RAD54L2: variants seen among roughly 807,000 people sequenced by gnomAD.
RAD54L2 encodes RAD54 like 2, also known as helicase ARIP4.
RAD54L2 carries 27 observed loss-of-function variants against 138.4 expected under a neutral mutation model. The observed-to-expected ratio is 0.20, with a 90% CI of 0.14 to 0.27. The LOEUF is 0.27. Among genes scored for constraint, RAD54L2 ranks in the 10% least tolerant of loss-of-function variants. The probability of loss-of-function intolerance (pLI) is 1.00; values close to 1 mark genes in which losing one functional copy is unlikely to be tolerated. For missense variants in RAD54L2, 1,396 were observed against 1,890.2 expected, an observed-to-expected ratio of 0.74 and a Z score of 4.85; for synonymous variants, 644 against 723.2, an observed-to-expected ratio of 0.89 and a Z score of 1.76.
chr3:51,635,765 G>A lies in RAD54L2; in HGVS notation c.1315G>A (p.Asp439Asn). Residue 439 changes from aspartate (D) to asparagine (N), a missense_variant, in exon 10 of 23, where the codon GAT (aspartate) becomes AAT (asparagine). Asp to Asn is a conservative substitution (Grantham distance 23, BLOSUM62 1). Around this residue, in one of 7 missense-constraint regions of RAD54L2, gnomAD observed 169 missense variants for 235.6 expected, o/e 0.72. Coordinates refer to ENST00000684192, the MANE Select transcript of RAD54L2 (RefSeq NM_015106.4). ...AGTCATCATTGATCTAGATGAGGAAGATCGGCAGCAGGAGTTTCGGAGAGG... is the reference window on the plus strand; with the variant it reads ...AGTCATCATTGATCTAGATGAGGAAAATCGGCAGCAGGAGTTTCGGAGAGG... The part of the protein sequence containing the change: ...HPVIIDLDEE[D>N]RQQEFRREFE... 2 of 1,611,588 alleles carry A rather than the reference G, an allele frequency of 1.2e-6. No individual in the cohort carries two copies. The highest frequency in any genetic ancestry group is 1.7e-5 in the Admixed American group (1 of 59,450).
rs1171685394 is a variant in RAD54L2 at position 51,629,484 on chromosome 3, G to A, written c.481+11G>A. 4 of 1,611,206 alleles carry A rather than the reference G, an allele frequency of 2.5e-6. No homozygotes were observed. The African/African-American group carries it at 4.0e-5, about 16-fold the overall frequency. The stretch of plus-strand genomic sequence containing the variant: ...TGGAGTTCCTCCCTGGTAAGCAGTG[G>A]ACATGGCAGGGAAGGCCCTTTGCTT... On this transcript the variant is annotated intron_variant, in intron 5 of 22. Transcript: ENST00000684192.
chr3:51,620,056 A>G (rs1015523923), intron 3 of RAD54L2, among the ~76,000 whole-genome samples: 4 of 151,960 alleles, frequency 2.6e-5, no homozygotes, highest in African/African-American at 9.7e-5. Context: ...GTTGCATCAC[A>G]TCAGGAGAAA....
chr3:51,548,586 G>A (rs1406501641), intron 2 of RAD54L2, among the ~76,000 whole-genome samples: 1 of 152,136 alleles, frequency 6.6e-6, no homozygotes, highest in African/African-American at 2.4e-5. Context: ...AAGGTGAAGT[G>A]GCTTGCTTTC....
At chr3:51,586,567 CTT>C (rs35274115) in intron 2 of RAD54L2, among the ~76,000 whole-genome samples, 21 of 136,768 alleles carry the variant, frequency 1.5e-4, no homozygotes, top group Admixed American at 3.0e-4. Context: ...AAAGAAAACA[CTT>C]TTTTTTTTTT....
intron 15 of RAD54L2, 32 bp downstream of exon 15, chr3:51,641,899 T>G: frequency 6.8e-7 from 1 of 1,466,424 alleles, no homozygotes; most frequent in Non-Finnish European, 9.4e-7. Flanking sequence ...TCTTGAAGCC[T>G]TGGCAAGGTC....
In RAD54L2 at chr3:51,666,659, G is replaced by A. The variant is rs905611431; in HGVS notation, c.*3239G>A. ...AGGGACAAAGTAGCTATTTAAGAAAGGAAGTGAACCATGTTGGGTCATATC... is the reference window on the plus strand; with the variant it reads ...AGGGACAAAGTAGCTATTTAAGAAAAGAAGTGAACCATGTTGGGTCATATC... On this transcript the variant is annotated 3_prime_UTR_variant, in exon 23 of 23. Coordinates refer to ENST00000684192, the MANE Select transcript of RAD54L2 (RefSeq NM_015106.4). The A allele has an allele frequency of 6.6e-6, 1 of 152,164 alleles. No homozygotes were observed. Among genetic ancestry groups the A allele is most frequent in the Non-Finnish European group, 1.5e-5 (1 of 68,034 alleles). 9.4% of individuals were successfully genotyped at this position (152,164 alleles called of 1,614,324 possible).
rs1701083530 is a variant in RAD54L2 at position 51,639,884 on chromosome 3, A to G, written c.2116A>G (p.Lys706Glu). The change falls in exon 14 of 23, where the codon AAG becomes GAG. Residue 706 changes from lysine to glutamate, a missense_variant. This residue lies in a region of RAD54L2 where 211 missense variants were observed against 273.8 expected (regional missense o/e 0.77). Transcript: ENST00000684192. ...CTGCCTTGTTTCTCTCTTGCAGGCC[A>G]AGGACCTTCTGACTAATTACCAGAC... Reference protein sequence around the residue: ...GNNIVTYEWAKDLLTNYQTGV... With the variant: ...GNNIVTYEWAEDLLTNYQTGV... 6.3e-7 allele frequency: 1 copy of G among 1,599,532 alleles called. No individual in the cohort carries two copies. Among genetic ancestry groups the G allele is most frequent in the South Asian group, 1.1e-5 (1 of 89,668 alleles).
intron 6 of RAD54L2, 56 bp downstream of exon 6, chr3:51,630,444 G>A (rs1362588919): frequency 2.4e-5 from 36 of 1,503,948 alleles, no homozygotes; most frequent in East Asian, 2.3e-4. Flanking sequence ...TGCTGAGATC[G>A]GCTATACTTT....
chr3:51,639,760 C>T, intron 13 of RAD54L2, 90 bp downstream of exon 13: 1 of 1,540,918 alleles, frequency 6.5e-7, no homozygotes, highest in Non-Finnish European at 8.8e-7. Context: ...GGATGCATGG[C>T]TAGGGTCTCT....
intron 3 of RAD54L2, among the ~76,000 whole-genome samples, chr3:51,612,689 TGTA>T (rs946005916): frequency 1.9e-4 from 11 of 57,770 alleles, no homozygotes; most frequent in African/African-American, 1.1e-3. Context: ...TGGTCTTTGT[TGTA>T]AAAAAAAAAA....
intron 2 of RAD54L2, among the ~76,000 whole-genome samples, chr3:51,557,311 T>G (rs554313990): frequency 4.6e-5 from 7 of 150,702 alleles, no homozygotes; most frequent in African/African-American, 1.7e-4. Context: ...GCCTCCTGAG[T>G]AGCTGAGACT....
Position 51,641,827 on chromosome 3 carries a change from G to A in RAD54L2, c.2310G>A (p.Gly770=). The A allele has an allele frequency of 6.3e-7, 1 of 1,597,434 alleles. No individual in the cohort carries two copies. Among genetic ancestry groups the A allele is most frequent in the Non-Finnish European group, 8.5e-7 (1 of 1,171,614 alleles). ...REVPCPPGTE[G]QGAQKWVRNI... Reference sequence around the variant, plus strand: ...TACCCTGTCCACCTGGTACCGAGGGGCAAGGAGCACAGAAGTGGGTTCGAA... The same window carrying A: ...TACCCTGTCCACCTGGTACCGAGGGACAAGGAGCACAGAAGTGGGTTCGAA... The change falls in exon 15 of 23, where the codon GGG becomes GGA. Residue 770 remains glycine, a synonymous_variant. Coordinates refer to ENST00000684192, the MANE Select transcript of RAD54L2 (RefSeq NM_015106.4).
chr3:51,539,098 G>T (rs1223198799), intron 1 of RAD54L2, among the ~76,000 whole-genome samples, 183 bp downstream of exon 1: 1 of 152,222 alleles, frequency 6.6e-6, no homozygotes, highest in Non-Finnish European at 1.5e-5. Context: ...GTGGCCGGAG[G>T]CTTGGCGGGG....
intron 19 of RAD54L2, among the ~76,000 whole-genome samples, chr3:51,653,786 T>C (rs1394080500): frequency 6.6e-6 from 1 of 151,464 alleles, no homozygotes; most frequent in East Asian, 1.9e-4. Context: ...TGGCATGGTG[T>C]GGGGGGATGG....
chr3:51,660,872 G>A (rs1029358200), intron 22 of RAD54L2, among the ~76,000 whole-genome samples: 16 of 146,648 alleles, frequency 1.1e-4, no homozygotes, highest in African/African-American at 3.8e-4. Context: ...CGCCTGCCTC[G>A]GCCTCCCAAA....
chr3:51,582,280 A>G (rs1455188163), intron 2 of RAD54L2, among the ~76,000 whole-genome samples: 1 of 152,172 alleles, frequency 6.6e-6, no homozygotes, highest in East Asian at 1.9e-4. Context: ...GTAACATCCT[A>G]CATACACAGA....
chr3:51,587,063 C>T (rs1345796753), intron 2 of RAD54L2, among the ~76,000 whole-genome samples: 1 of 151,428 alleles, frequency 6.6e-6, no homozygotes, highest in Non-Finnish European at 1.5e-5. Flanking sequence ...CTTTCTAAAA[C>T]CTATTAAATG....
At chr3:51,542,876 A>G (rs1025037432) in intron 2 of RAD54L2, among the ~76,000 whole-genome samples, 2 of 152,166 alleles carry the variant, frequency 1.3e-5, no homozygotes, top group African/African-American at 4.8e-5. Context: ...CCAGGAGGTA[A>G]CTGTTTGGCA....
chr3:51,576,401 G>A (rs1028604277), intron 2 of RAD54L2, among the ~76,000 whole-genome samples: 5 of 152,138 alleles, frequency 3.3e-5, no homozygotes, highest in Non-Finnish European at 7.4e-5. Flanking sequence ...TCTGTTGATT[G>A]GAATAGTTTC....
Sources: allele counts gnomAD v4.1 joint callset (sites outside exome capture counted in the v4.1 genomes callset), GRCh38; gene constraint gnomAD v4.1.1; regional missense constraint gnomAD v4.1.1; transcripts MANE v1.5; gene names NCBI Gene and HGNC (gene_info 2026-07-23, HGNC 2026-07-21).